The following SEMA6D variants were observed in gnomAD, a reference collection of about 807,000 sequenced individuals.
The protein encoded by SEMA6D is semaphorin 6D.
Under a neutral mutation model 106.6 loss-of-function variants are expected in SEMA6D, and 35 were observed. The observed-to-expected ratio is 0.33, with a 90% CI of 0.25 to 0.44. SEMA6D has a LOEUF of 0.44. Among genes scored for constraint, SEMA6D ranks in the 20% least tolerant of loss-of-function variants. SEMA6D has a pLI of 1.00. For synonymous variants in SEMA6D, 499 were observed against 487.7 expected, an observed-to-expected ratio of 1.02 and a Z score of -0.31; for missense variants, 1,185 against 1,345.9, an observed-to-expected ratio of 0.88 and a Z score of 1.87.
intron 1 of SEMA6D, among the ~76,000 whole-genome samples, chr15:47,234,524 T>A (rs191151545): frequency 5.9e-5 from 9 of 152,028 alleles, no homozygotes; most frequent in African/African-American, 1.9e-4. Flanking sequence ...GAGTCTCCAA[T>A]GTCTTGTTAT....
At chr15:47,256,907 A>G (rs2033831816) in intron 1 of SEMA6D, among the ~76,000 whole-genome samples, 1 of 152,146 alleles carries the variant, frequency 6.6e-6, no homozygotes, top group South Asian at 2.1e-4. Context: ...GTATATATTT[A>G]TTTGAAGTTT....
intron 3 of SEMA6D, among the ~76,000 whole-genome samples, chr15:47,479,889 G>T (rs1380201828): frequency 2.1e-4 from 26 of 121,666 alleles, no homozygotes; most frequent in African/African-American, 8.6e-4. Flanking sequence ...TTTTTTCTGA[G>T]ACAGAGTCTC....
intron 1 of SEMA6D, among the ~76,000 whole-genome samples, chr15:47,236,548 T>C (rs2032555170): frequency 1.3e-5 from 2 of 152,148 alleles, no homozygotes; most frequent in Non-Finnish European, 2.9e-5. Flanking sequence ...CTCCCTACCA[T>C]ACTGTGGAAG....
rs138503534 is a variant in SEMA6D, at chr15:47,731,110, A to C, written c.-55+13418A>C. On this transcript the variant is annotated intron_variant, in intron 1 of 18. Coordinates refer to ENST00000536845, the MANE Select transcript of SEMA6D (RefSeq NM_001358351.3). ...CTTCTCAAATTTATTATTGCCATTT[A>C]CATTTTGCAACACTTTGCCCTTTTC... Among the ~76,000 whole-genome samples the C allele has an allele frequency of 1.8e-3, 269 of 152,358 alleles. 5 individuals carry two copies. The highest frequency in any genetic ancestry group is 6.3e-3 in the African/African-American group (262 of 41,586).
At chr15:47,286,705 G>C (rs2035378038) in intron 1 of SEMA6D, among the ~76,000 whole-genome samples, 1 of 152,122 alleles carries the variant, frequency 6.6e-6, no homozygotes, top group Non-Finnish European at 1.5e-5. Context: ...TGAGTGACCT[G>C]AAATGGTCTT....
At chr15:47,571,383 C>G (rs994498870) in intron 3 of SEMA6D, among the ~76,000 whole-genome samples, 1 of 152,186 alleles carries the variant, frequency 6.6e-6, no homozygotes, top group Non-Finnish European at 1.5e-5. Context: ...GGCCATTGGC[C>G]TCAAGAATGC....
At chr15:47,458,871 A>G (rs1335677744) in intron 2 of SEMA6D, among the ~76,000 whole-genome samples, 3 of 152,002 alleles carry the variant, frequency 2.0e-5, no homozygotes, top group East Asian at 3.9e-4. Flanking sequence ...AAAACCAAAA[A>G]TAAATAAATA....
chr15:47,375,202 G>A (rs544065422), intron 1 of SEMA6D, among the ~76,000 whole-genome samples: 1 of 152,158 alleles, frequency 6.6e-6, no homozygotes, highest in Non-Finnish European at 1.5e-5. Context: ...GCTCTGAAAA[G>A]ATCAGTCAAG....
At chr15:47,512,450 C>A (rs561390845) in intron 3 of SEMA6D, among the ~76,000 whole-genome samples, 21 of 152,286 alleles carry the variant, frequency 1.4e-4, no homozygotes, top group African/African-American at 5.1e-4. Flanking sequence ...GGGTCAGATG[C>A]CCAATATCTG....
chr15:47,227,419 C>CCCTTTCTT, intron 1 of SEMA6D, among the ~76,000 whole-genome samples: 1 of 115,332 alleles, frequency 8.7e-6, no homozygotes, highest in East Asian at 2.1e-4. Context: ...TTCTTTCTTT[C>CCCTTTCTT]TCTTTCTTTC....
upstream of SEMA6D, among the ~76,000 whole-genome samples, chr15:47,713,104 G>A (rs944414438): frequency 2.2e-4 from 34 of 151,792 alleles, no homozygotes; most frequent in East Asian, 5.8e-4. Context: ...TTCTTATTTC[G>A]CTTGGGCACT....
At chr15:47,540,337 T>C (rs1006351652) in intron 3 of SEMA6D, among the ~76,000 whole-genome samples, 5 of 152,148 alleles carry the variant, frequency 3.3e-5, no homozygotes, top group African/African-American at 1.2e-4. Flanking sequence ...TCCAGGTTTC[T>C]ATGGTGGGCG....
At chr15:47,254,827 G>A (rs2033708783) in intron 1 of SEMA6D, among the ~76,000 whole-genome samples, 1 of 147,460 alleles carries the variant, frequency 6.8e-6, no homozygotes, top group Admixed American at 6.8e-5. Flanking sequence ...CTAGTATTTT[G>A]TTGAGGGTTT....
intron 1 of SEMA6D, among the ~76,000 whole-genome samples, chr15:47,400,140 T>C (rs2040349858): frequency 6.6e-6 from 1 of 152,130 alleles, no homozygotes; most frequent in Non-Finnish European, 1.5e-5. Flanking sequence ...GTGCTTTAAG[T>C]AAAAGAACCA....
chr15:47,315,190 C>G (rs2036617004), intron 1 of SEMA6D, among the ~76,000 whole-genome samples: 1 of 152,056 alleles, frequency 6.6e-6, no homozygotes, highest in South Asian at 2.1e-4. Flanking sequence ...GTGTTATTTT[C>G]TAGGAGTTTT....
intron 1 of SEMA6D, among the ~76,000 whole-genome samples, chr15:47,208,059 C>T (rs914257839): frequency 2.1e-5 from 3 of 140,436 alleles, no homozygotes; most frequent in South Asian, 2.2e-4. Context: ...ACTACTGTAA[C>T]GGTTAAAGAC....
At chr15:47,371,077 C>T (rs1463082242) in intron 1 of SEMA6D, among the ~76,000 whole-genome samples, 2 of 152,188 alleles carry the variant, frequency 1.3e-5, no homozygotes, top group Admixed American at 6.5e-5. Flanking sequence ...GAATGCCAAA[C>T]ATCATATTAG....
At chr15:47,217,587 G>C (rs2030754170) in intron 1 of SEMA6D, among the ~76,000 whole-genome samples, 1 of 151,256 alleles carries the variant, frequency 6.6e-6, no homozygotes. Context: ...GTGTGTGTGT[G>C]TGTGTGTTTA....
chr15:47,532,393 T>C (rs1323100332), intron 3 of SEMA6D, among the ~76,000 whole-genome samples: 2 of 152,200 alleles, frequency 1.3e-5, no homozygotes, highest in African/African-American at 4.8e-5. Flanking sequence ...CTCTCCCTCC[T>C]CCTCTGGGTT....
Sources: allele counts gnomAD v4.1 joint callset (sites outside exome capture counted in the v4.1 genomes callset), GRCh38; gene constraint gnomAD v4.1.1; transcripts MANE v1.5; gene names NCBI Gene and HGNC (gene_info 2026-07-23, HGNC 2026-07-21).